Variants in ZBTB20 observed in about 807,000 individuals in gnomAD.
ZBTB20 encodes zinc finger and BTB domain-containing protein 20.
Under a neutral mutation model 56.9 loss-of-function variants are expected in ZBTB20, and 9 were observed. That is an observed-to-expected ratio of 0.16 (90% confidence interval 0.10 to 0.28). The LOEUF (loss-of-function observed/expected upper bound fraction) is 0.28. Among genes scored for constraint, ZBTB20 ranks in the 10% least tolerant of loss-of-function variants. The pLI, the probability that ZBTB20 is intolerant of heterozygous loss-of-function variation, is 1.00. For synonymous variants in ZBTB20, 417 were observed against 420.7 expected (o/e 0.99, Z 0.11); for missense variants, 655 against 1,003.0 (o/e 0.65, Z 4.69).
intron 4 of ZBTB20, among the ~76,000 whole-genome samples, chr3:114,809,401 T>A (rs1341037580): frequency 6.6e-6 from 1 of 152,120 alleles, no homozygotes; most frequent in Non-Finnish European, 1.5e-5. Context: ...TTTCTATTAA[T>A]TGATCTTCAA....
intron 6 of ZBTB20, among the ~76,000 whole-genome samples, chr3:114,542,274 G>A (rs1485604707): frequency 1.3e-5 from 2 of 152,118 alleles, no homozygotes; most frequent in South Asian, 2.1e-4. Context: ...AAACATTTGT[G>A]TCTAAATAGA....
At chr3:114,719,355 C>T (rs1055074448) in intron 5 of ZBTB20, among the ~76,000 whole-genome samples, 6 of 151,932 alleles carry the variant, frequency 3.9e-5, no homozygotes, top group Non-Finnish European at 7.4e-5. Context: ...AAGGTTTGAA[C>T]CTCAATGATA....
chr3:114,959,349 A>ATT (rs1375337463), intron 3 of ZBTB20, among the ~76,000 whole-genome samples: 1 of 152,196 alleles, frequency 6.6e-6, no homozygotes, highest in Non-Finnish European at 1.5e-5. Flanking sequence ...AGAAAACACC[A>ATT]TTTTTAAAAT....
chr3:114,824,211 T>C (rs1384159072), intron 4 of ZBTB20, among the ~76,000 whole-genome samples: 1 of 152,084 alleles, frequency 6.6e-6, no homozygotes, highest in Non-Finnish European at 1.5e-5. Flanking sequence ...GAATTTATGA[T>C]GTCATCAAAT....
intron 6 of ZBTB20, among the ~76,000 whole-genome samples, chr3:114,583,145 A>G (rs1277142525): frequency 6.6e-6 from 1 of 152,226 alleles, no homozygotes. Context: ...TCAATGCTGC[A>G]TTTCAAGTCA....
chr3:114,846,595 C>T (rs536979335), intron 4 of ZBTB20, among the ~76,000 whole-genome samples: 2 of 152,316 alleles, frequency 1.3e-5, no homozygotes, highest in East Asian at 1.9e-4. Flanking sequence ...CCTTTGAGAA[C>T]TCAATGACAA....
At chr3:114,462,690 G>T (rs192530917) in intron 7 of ZBTB20, among the ~76,000 whole-genome samples, 2 of 152,278 alleles carry the variant, frequency 1.3e-5, no homozygotes, top group East Asian at 3.9e-4. Context: ...AGAGGTTCAA[G>T]TCCAAACTCT....
intron 2 of ZBTB20, among the ~76,000 whole-genome samples, chr3:115,006,464 T>G (rs1201230229): frequency 6.6e-6 from 1 of 150,878 alleles, no homozygotes; most frequent in Non-Finnish European, 1.5e-5. Context: ...CAGTTGGATA[T>G]ATATATATAT....
chr3:114,362,936 A>G (rs1283359166), intron 10 of ZBTB20, among the ~76,000 whole-genome samples: 2 of 152,206 alleles, frequency 1.3e-5, no homozygotes, highest in African/African-American at 4.8e-5. Flanking sequence ...TTATATGTAC[A>G]TTAACAGTAG....
At chr3:114,680,416 T>C (rs1418905199) in intron 6 of ZBTB20, among the ~76,000 whole-genome samples, 7 of 152,246 alleles carry the variant, frequency 4.6e-5, no homozygotes. Flanking sequence ...AGTTTCTTTC[T>C]AGAATCTAAA....
intron 7 of ZBTB20, among the ~76,000 whole-genome samples, chr3:114,449,310 T>C (rs1248657206): frequency 6.6e-6 from 1 of 152,110 alleles, no homozygotes. Flanking sequence ...CCTCAAAAGG[T>C]AATTTGTTTG....
chr3:114,619,069 T>A (rs949614661), intron 6 of ZBTB20, among the ~76,000 whole-genome samples: 1 of 152,188 alleles, frequency 6.6e-6, no homozygotes, highest in Non-Finnish European at 1.5e-5. Context: ...GTGTTACAAA[T>A]CCTGCCAGAA....
intron 4 of ZBTB20, among the ~76,000 whole-genome samples, chr3:114,813,610 G>A (rs767003152): frequency 1.7e-4 from 26 of 152,192 alleles, no homozygotes; most frequent in African/African-American, 4.6e-4. Context: ...AATTAGCTGC[G>A]CATGGTGGCG....
At chr3:114,692,541 A>AT (rs2062761226) in intron 6 of ZBTB20, among the ~76,000 whole-genome samples, 1 of 152,160 alleles carries the variant, frequency 6.6e-6, no homozygotes, top group Admixed American at 6.5e-5. Flanking sequence ...TTGGATGAAT[A>AT]TGATGTTCAT....
At chr3:114,805,894 A>ATTTT (rs1216492011) in intron 4 of ZBTB20, among the ~76,000 whole-genome samples, 1 of 151,804 alleles carries the variant, frequency 6.6e-6, no homozygotes, top group African/African-American at 2.4e-5. Flanking sequence ...TTCATTTTTA[A>ATTTT]GATTCTTTTA....
intron 2 of ZBTB20, among the ~76,000 whole-genome samples, chr3:115,003,740 C>T (rs1186483132): frequency 1.3e-5 from 2 of 151,514 alleles, no homozygotes; most frequent in Non-Finnish European, 3.0e-5. Flanking sequence ...TGTCAGGTGA[C>T]AGGCATGTTT....
chr3:114,588,610 G>A (rs2055423099), intron 6 of ZBTB20, among the ~76,000 whole-genome samples: 1 of 151,930 alleles, frequency 6.6e-6, no homozygotes, highest in African/African-American at 2.4e-5. Context: ...AATAGCTACT[G>A]AAAAATCCCC....
In ZBTB20 at chr3:114,719,191, A is replaced by AG. The variant is rs200154843; in HGVS notation, c.-342-25617dup. Among the ~76,000 whole-genome samples the AG allele has an allele frequency of 3.6e-3, 316 of 87,474 alleles. 3 individuals are homozygous for AG. In the South Asian group the frequency reaches 0.081, roughly 22 times the overall value. 57.4% of individuals were successfully genotyped at this position (87,474 alleles called of 152,430 possible). A position where few individuals can be genotyped will look rare whatever the true frequency, so the allele number is the denominator to read the frequency against. On this transcript the variant is annotated intron_variant, in intron 5 of 11. Coordinates refer to ENST00000675478, the MANE Select transcript of ZBTB20 (RefSeq NM_001348800.3). ...GTGTAGGAAGTCCAGGGGGTTGTGC[A>AG]GGGGGGGGAAATAGAAGCAAGAAGG...
chr3:114,616,557 C>A (rs886099647), intron 6 of ZBTB20, among the ~76,000 whole-genome samples: 1 of 152,144 alleles, frequency 6.6e-6, no homozygotes, highest in Non-Finnish European at 1.5e-5. Context: ...CTGCAGGCTC[C>A]TCTTCCTCTC....
Sources: allele counts gnomAD v4.1 joint callset (sites outside exome capture counted in the v4.1 genomes callset), GRCh38; gene constraint gnomAD v4.1.1; transcripts MANE v1.5; gene names NCBI Gene and HGNC (gene_info 2026-07-23, HGNC 2026-07-21).